Variants in PAIP1 observed in about 807,000 individuals in gnomAD.
PAIP1 encodes the protein poly(A) binding protein interacting protein 1.
A neutral mutation model predicts 61.3 loss-of-function variants in PAIP1; 16 were observed. The observed-to-expected ratio is 0.26, with a 90% CI of 0.18 to 0.40. The LOEUF (loss-of-function observed/expected upper bound fraction) is 0.40, where lower values mean the gene tolerates loss of function less well. Among genes scored for constraint, PAIP1 ranks in the 10% least tolerant of loss-of-function variants. PAIP1 has a pLI of 1.00. For synonymous variants in PAIP1, 187 were observed against 226.2 expected, an observed-to-expected ratio of 0.83 and a Z score of 1.56; for missense variants, 416 against 600.9, an observed-to-expected ratio of 0.69 and a Z score of 3.22.
At chr5:43,539,270 A>G (rs1747292523) in intron 4 of PAIP1, among the ~76,000 whole-genome samples, 1 of 1,458 alleles carries the variant, frequency 6.9e-4, no homozygotes, top group Non-Finnish European at 0.015. Context: ...AACGATTTTT[A>G]TCAAATTTAA....
intron 2 of PAIP1, among the ~76,000 whole-genome samples, chr5:43,550,989 G>A (rs1020366940): frequency 6.6e-6 from 1 of 152,050 alleles, no homozygotes; most frequent in African/African-American, 2.4e-5. Flanking sequence ...GCCCCAAGGA[G>A]GCCTAATAAC....
At position 43,548,900 on chromosome 5, in the gene PAIP1, C is replaced by G. The variant is rs571478686; in HGVS notation, c.436-987G>C. Among the ~76,000 whole-genome samples the G allele has an allele frequency of 2.7e-3, 408 of 152,256 alleles. 2 individuals are homozygous for G. The highest frequency in any genetic ancestry group is 4.8e-3 in the Non-Finnish European group (326 of 68,014). On this transcript the variant is annotated intron_variant, in intron 2 of 10. Transcript: ENST00000306846. The stretch of plus-strand genomic sequence containing the variant: ...TGCATAGAAGAAAAAAAAAGTCATA[C>G]ATGGTCAAAACACCCTTAGAAATGC...
chr5:43,533,401 AT>A (rs1365384286), intron 9 of PAIP1, among the ~76,000 whole-genome samples: 2 of 152,246 alleles, frequency 1.3e-5, no homozygotes, highest in African/African-American at 4.8e-5. Flanking sequence ...GTGAACTAGA[AT>A]CGTCTTTCCC....
intron 3 of PAIP1, among the ~76,000 whole-genome samples, chr5:43,544,774 A>C (rs1747564508): frequency 6.6e-6 from 1 of 152,154 alleles, no homozygotes; most frequent in South Asian, 2.1e-4. Flanking sequence ...GCATCCCCAA[A>C]GGAAAAAAGA....
chr5:43,546,965 C>T lies in PAIP1; in HGVS notation c.621+763G>A, dbSNP rs562484581. The stretch of plus-strand genomic sequence containing the variant: ...GACTGACGCAGGAGAATCGCTTGAA[C>T]CCGGGAGACGGAGGTCGCAGGGAGC... On this transcript the variant is annotated intron_variant, in intron 3 of 10. Coordinates refer to ENST00000306846, the MANE Select transcript of PAIP1 (RefSeq NM_006451.5). Among the ~76,000 whole-genome samples, 4 of 138,570 alleles carry T rather than the reference C, an allele frequency of 2.9e-5. No individual in the cohort carries two copies. In the South Asian group the frequency reaches 9.2e-4, roughly 32 times the overall value. The allele number at this position is 138,570 out of a possible 152,430, so 90.9% of individuals were successfully genotyped here.
chr5:43,528,647 T>C (rs1746800169), intron 10 of PAIP1, among the ~76,000 whole-genome samples: 2 of 152,104 alleles, frequency 1.3e-5, no homozygotes, highest in African/African-American at 4.8e-5. Flanking sequence ...ACAGCAACAA[T>C]TGTATTTCTA....
chr5:43,550,608 A>T (rs1747824526), intron 2 of PAIP1, among the ~76,000 whole-genome samples: 1 of 152,014 alleles, frequency 6.6e-6, no homozygotes, highest in Non-Finnish European at 1.5e-5. Flanking sequence ...TGAGGTAAGC[A>T]TCACTATCCT....
chr5:43,547,713 T>C lies in PAIP1; in HGVS notation c.621+15A>G, dbSNP rs748321770. ...AAGCTATCTGAAGGTCACTGCATGC[T>C]ATAAGCCAACATACCTGTTGATAGA... On this transcript the variant is annotated intron_variant, in intron 3 of 10. Transcript: ENST00000306846. 42 of 1,580,274 alleles carry C rather than the reference T, an allele frequency of 2.7e-5. No individual in the cohort carries two copies. The highest frequency in any genetic ancestry group is 2.9e-5 in the Non-Finnish European group (33 of 1,156,016).
At chr5:43,554,082 G>A (rs984141073) in intron 2 of PAIP1, among the ~76,000 whole-genome samples, 2 of 152,202 alleles carry the variant, frequency 1.3e-5, no homozygotes, top group African/African-American at 4.8e-5. Context: ...ATCTATTAGA[G>A]GATGGCAAGG....
At chr5:43,556,435 C>T (rs965853624) in intron 1 of PAIP1, 147 bp downstream of exon 1, 22 of 1,212,240 alleles carry the variant, frequency 1.8e-5, no homozygotes, top group Non-Finnish European at 1.6e-5. Context: ...CGGGCCCGTC[C>T]CTACCCGGTC....
chr5:43,527,293 T>C lies in PAIP1; in HGVS notation c.*83A>G. 1.0e-5 allele frequency: 7 copies of C among 682,350 alleles called. 1 individual carries two copies. The South Asian group carries it at 1.6e-4, about 16-fold the overall frequency. 42.3% of individuals were successfully genotyped at this position (682,350 alleles called of 1,614,324 possible). ...CTCAACATCCTTAATTTGGTATAGA[T>C]GTGACATTTTCTTGCTCTCTTGTGT... is the stretch of plus-strand genomic sequence containing the variant. On this transcript the variant is annotated 3_prime_UTR_variant, in exon 11 of 11. Coordinates refer to ENST00000306846, the MANE Select transcript of PAIP1 (RefSeq NM_006451.5).
Position 43,547,905 on chromosome 5 carries a change from A to G in PAIP1, c.444T>C (p.Tyr148=). The G allele has an allele frequency of 6.2e-7, 1 of 1,603,946 alleles. No individual in the cohort carries two copies. Among genetic ancestry groups the G allele is most frequent in the Non-Finnish European group, 8.5e-7 (1 of 1,174,144 alleles). The change falls in exon 3 of 11, where the codon TAT becomes TAC. Residue 148 remains tyrosine, a synonymous_variant. Coordinates refer to ENST00000306846, the MANE Select transcript of PAIP1 (RefSeq NM_006451.5). ...TAGGATAATCCTCACAACCATCCTC[A>G]TAGGATTCCTACGGATCAAAAATGA... ...SGYSSSYTES[Y]EDGCEDYPTL... is the part of the protein sequence containing the mutation.
chr5:43,542,053 A>G lies in PAIP1; in HGVS notation c.734+951T>C, dbSNP rs1037365665. On this transcript the variant is annotated intron_variant, in intron 4 of 10. Transcript: ENST00000306846. ...TAGCTGGGCATGGTGGTACGCACCC[A>G]TCATCCCAGCTACTGGGGAGGCTGA... 7.3e-5 allele frequency among the ~76,000 whole-genome samples: 11 copies of G among 151,296 alleles called. No individual in the cohort carries two copies. In the East Asian group the frequency reaches 1.8e-3, roughly 24 times the overall value.
chr5:43,533,449 A>T (rs1579908029), intron 9 of PAIP1, among the ~76,000 whole-genome samples: 1 of 152,224 alleles, frequency 6.6e-6, no homozygotes, highest in East Asian at 1.9e-4. Flanking sequence ...AGATTATAAA[A>T]AAGTTAGAGG....
chr5:43,551,390 G>A (rs946329830), intron 2 of PAIP1, among the ~76,000 whole-genome samples: 1 of 152,028 alleles, frequency 6.6e-6, no homozygotes, highest in Non-Finnish European at 1.5e-5. Context: ...CTGTATAATG[G>A]AATATTATAG....
intron 3 of PAIP1, among the ~76,000 whole-genome samples, chr5:43,546,342 G>C (rs1007534878): frequency 6.6e-6 from 1 of 152,196 alleles, no homozygotes; most frequent in East Asian, 1.9e-4. Context: ...AGCCAGAAAG[G>C]CAACAAGAAA....
intron 8 of PAIP1, 152 bp from the exon 9 acceptor site, chr5:43,533,944 A>G: frequency 1.6e-6 from 1 of 636,808 alleles, no homozygotes; most frequent in Non-Finnish European, 2.9e-6. Flanking sequence ...TTTTCACTTC[A>G]CTGAGAAAGT....
intron 4 of PAIP1, among the ~76,000 whole-genome samples, chr5:43,541,439 A>T (rs1322516564): frequency 6.7e-6 from 1 of 149,244 alleles, no homozygotes; most frequent in Non-Finnish European, 1.5e-5. Flanking sequence ...GGCATGAGCC[A>T]CTGTGCCCCA....
chr5:43,531,678 G>GAAAAAAAAA (rs1406958925), intron 9 of PAIP1, among the ~76,000 whole-genome samples: 7 of 90,900 alleles, frequency 7.7e-5, no homozygotes, highest in African/African-American at 2.2e-4. Context: ...AAAAAAAAAA[G>GAAAAAAAAA]AGAAAAAAAG....
Sources: allele counts gnomAD v4.1 joint callset (sites outside exome capture counted in the v4.1 genomes callset), GRCh38; gene constraint gnomAD v4.1.1; transcripts MANE v1.5; gene names NCBI Gene and HGNC (gene_info 2026-07-23, HGNC 2026-07-21).